The following SLC44A5 variants were observed in gnomAD, a reference collection of about 807,000 sequenced individuals.
The protein encoded by SLC44A5 is choline transporter-like protein 5.
SLC44A5 carries 57 observed loss-of-function variants against 101.8 expected under a neutral mutation model. The ratio of observed to expected loss-of-function variants is 0.56; its 90% CI spans 0.45 to 0.70. The LOEUF (loss-of-function observed/expected upper bound fraction) is 0.70, where lower values mean the gene tolerates loss of function less well. Ranked by LOEUF, SLC44A5 falls within the 30% of genes least tolerant of loss-of-function variation. The pLI is 0.00. For missense variants in SLC44A5, 737 were observed against 853.1 expected, an observed-to-expected ratio of 0.86 and a Z score of 1.70; for synonymous variants, 281 against 290.9, an observed-to-expected ratio of 0.97 and a Z score of 0.35.
At chr1:75,651,890 G>A in the SLC44A5 span, among the ~76,000 whole-genome samples, 1 of 152,036 alleles carries the variant, frequency 6.6e-6, no homozygotes, top group Non-Finnish European at 1.5e-5. Flanking sequence ...TGATCGGGCA[G>A]TTGTTAACTA....
chr1:75,251,391 G>T, intron 6 of SLC44A5, 97 bp from the exon 7 acceptor site: 3 of 958,986 alleles, frequency 3.1e-6, no homozygotes, highest in Non-Finnish European at 3.1e-6. Context: ...TTTAAAAATT[G>T]GTTTCATTAT....
chr1:75,554,912 G>T (rs1332007926), intron 1 of SLC44A5, among the ~76,000 whole-genome samples: 1 of 151,646 alleles, frequency 6.6e-6, no homozygotes, highest in Non-Finnish European at 1.5e-5. Context: ...ATAATAAAAG[G>T]TATATCTAAG....
chr1:75,275,244 A>G (rs1236580826), intron 5 of SLC44A5, among the ~76,000 whole-genome samples: 2 of 152,168 alleles, frequency 1.3e-5, no homozygotes, highest in Admixed American at 1.3e-4. Context: ...CATTTCTCTT[A>G]TTCTCTCAGG....
chr1:75,390,929 C>G (rs754966266), intron 3 of SLC44A5, among the ~76,000 whole-genome samples: 1 of 151,788 alleles, frequency 6.6e-6, no homozygotes, highest in Non-Finnish European at 1.5e-5. Flanking sequence ...AGATAGAACT[C>G]GATACAAAGA....
the SLC44A5 span, among the ~76,000 whole-genome samples, chr1:75,659,348 AAAAG>A: frequency 1.0e-4 from 15 of 147,906 alleles, no homozygotes; most frequent in Middle Eastern, 6.8e-3. Flanking sequence ...AAGAGAGAAA[AAAAG>A]AAAGAAAGAA....
chr1:75,355,949 T>C (rs1308887983), intron 3 of SLC44A5, among the ~76,000 whole-genome samples: 2 of 152,026 alleles, frequency 1.3e-5, no homozygotes, highest in Non-Finnish European at 2.9e-5. Flanking sequence ...CAGTGGCTCA[T>C]GTCTGTAATC....
intron 1 of SLC44A5, among the ~76,000 whole-genome samples, chr1:75,555,584 A>G (rs1289822635): frequency 2.6e-5 from 4 of 152,094 alleles, no homozygotes; most frequent in Non-Finnish European, 5.9e-5. Context: ...GCCCGTTCAA[A>G]GCCAAGCCAT....
At chr1:75,625,929 A>G in the SLC44A5 span, among the ~76,000 whole-genome samples, 1 of 152,112 alleles carries the variant, frequency 6.6e-6, no homozygotes, top group Non-Finnish European at 1.5e-5. Context: ...TGGTGGCAAG[A>G]AGTTAAGAAA....
In SLC44A5 at chr1:75,227,852, A is replaced by G. The variant is rs1647251946; in HGVS notation, c.859T>C (p.Trp287Arg). Residue 287 changes from tryptophan (W) to arginine (R), a missense_variant, in exon 13 of 24, where the codon TGG (tryptophan) becomes CGG (arginine). By Grantham distance (101) the Trp-to-Arg change is moderately radical (BLOSUM62 -3). Coordinates refer to ENST00000370859, the MANE Select transcript of SLC44A5 (RefSeq NM_001130058.2). ...TTGGTGTACTGCTGGTAACAGTGCCATATTCCTTGAAAAAGAAAGAAAAAC... is the reference window on the plus strand; with the variant it reads ...TTGGTGTACTGCTGGTAACAGTGCCGTATTCCTTGAAAAAGAAAGAAAAAC... ...GVIGIIGYGIWHCYQQYTNLQ... is the reference protein window; with the variant it reads ...GVIGIIGYGIRHCYQQYTNLQ... The G allele has an allele frequency of 6.3e-7, 1 of 1,582,664 alleles. No homozygotes were observed. The highest frequency in any genetic ancestry group is 1.7e-4 in the Middle Eastern group (1 of 5,998).
intron 2 of SLC44A5, among the ~76,000 whole-genome samples, chr1:75,488,439 T>C (rs183477301): frequency 2.6e-5 from 4 of 152,266 alleles, no homozygotes; most frequent in East Asian, 1.9e-4. Flanking sequence ...AAAAACAACG[T>C]AGTATAATAT....
intron 2 of SLC44A5, among the ~76,000 whole-genome samples, chr1:75,448,430 A>G (rs1665711331): frequency 6.6e-6 from 1 of 152,208 alleles, no homozygotes; most frequent in Admixed American, 6.5e-5. Context: ...CTGAAAGACA[A>G]CTTGACAAAA....
In SLC44A5 at chr1:75,232,796, T is replaced by G. The variant is rs143428992; in HGVS notation, c.853+1190A>C. Among the ~76,000 whole-genome samples the G allele has an allele frequency of 3.0e-3, 462 of 152,242 alleles. 4 individuals carry two copies. The highest frequency in any genetic ancestry group is 0.01 in the African/African-American group (425 of 41,548). ...TGATATTATAGACGAGAATACCAGG[T>G]CTTTTAACCACCAACAAACTTCCAA... On this transcript the variant is annotated intron_variant, in intron 12 of 23. Transcript: ENST00000370859.
At chr1:75,468,909 T>G (rs1469858897) in intron 2 of SLC44A5, among the ~76,000 whole-genome samples, 1 of 152,176 alleles carries the variant, frequency 6.6e-6, no homozygotes, top group Non-Finnish European at 1.5e-5. Flanking sequence ...ATACATTGCA[T>G]ACCTGCATCA....
At chr1:75,518,184 G>C (rs1311392542) in intron 2 of SLC44A5, among the ~76,000 whole-genome samples, 1 of 151,986 alleles carries the variant, frequency 6.6e-6, no homozygotes, top group East Asian at 1.9e-4. Context: ...TTAAATTCGA[G>C]GAAATATTCA....
chr1:75,578,352 T>G (rs1356918676), intron 1 of SLC44A5, among the ~76,000 whole-genome samples: 1 of 152,174 alleles, frequency 6.6e-6, no homozygotes, highest in Non-Finnish European at 1.5e-5. Context: ...ACCAATATTT[T>G]TCTCTTGTCA....
intron 2 of SLC44A5, among the ~76,000 whole-genome samples, chr1:75,432,317 T>C (rs1664660916): frequency 6.6e-6 from 1 of 152,156 alleles, no homozygotes; most frequent in Non-Finnish European, 1.5e-5. Context: ...CTGTTTCAAC[T>C]AGCCCCTGCA....
rs2942342 is a variant in SLC44A5 at position 75,368,247 on chromosome 1, C to G, written c.52+28336G>C. On this transcript the variant is annotated intron_variant, in intron 3 of 23. Coordinates refer to ENST00000370859, the MANE Select transcript of SLC44A5 (RefSeq NM_001130058.2). ...CAGTACAAAGTTCTTATCATAATCA[C>G]AGAATTGAGTAATTACAGTTGTTCC... Among the ~76,000 whole-genome samples the G allele has an allele frequency of 8.4e-3, 1,272 of 152,278 alleles. 19 individuals are homozygous for G. The highest frequency in any genetic ancestry group is 0.029 in the African/African-American group (1,221 of 41,556).
upstream of SLC44A5, among the ~76,000 whole-genome samples, chr1:75,614,757 T>G (rs1431461250): frequency 3.3e-5 from 5 of 152,146 alleles, no homozygotes; most frequent in Admixed American, 1.3e-4. Context: ...CCCATTGTGT[T>G]GAAATCCAAC....
rs1163318899 is a variant in SLC44A5 at position 75,517,422 on chromosome 1, AG to A, written c.13+24012del. ...AAAAAAGACCTTGTGACCCAAAAAA[AG>A]TCAGTGACAAAAAAAAACTTTATGA... On this transcript the variant is annotated intron_variant, in intron 2 of 23. Coordinates refer to ENST00000370859, the MANE Select transcript of SLC44A5 (RefSeq NM_001130058.2). 3.9e-5 allele frequency among the ~76,000 whole-genome samples: 6 copies of A among 152,300 alleles called. No homozygotes were observed. In the East Asian group the frequency reaches 1.2e-3, roughly 29 times the overall value.
Sources: gnomAD v4.1 joint callset for allele counts (sites outside exome capture counted in the v4.1 genomes callset) on GRCh38, gnomAD v4.1.1 for gene constraint, MANE v1.5 for transcripts, NCBI Gene and HGNC (gene_info 2026-07-23, HGNC 2026-07-21) for gene names.